The following COL22A1 variants were observed in gnomAD, a reference collection of about 807,000 sequenced individuals.
COL22A1 encodes the protein collagen type XXII alpha 1 chain.
A neutral mutation model predicts 248.9 loss-of-function variants in COL22A1; 221 were observed. That is an observed-to-expected ratio of 0.89 (90% CI 0.80 to 0.99). The LOEUF (loss-of-function observed/expected upper bound fraction) is 0.99, where lower values mean the gene tolerates loss of function less well. Ranked by LOEUF, COL22A1 falls within the 50% of genes least tolerant of loss-of-function variation. The probability of loss-of-function intolerance (pLI) is 0.00; values close to 1 mark genes in which losing one functional copy is unlikely to be tolerated. For synonymous variants in COL22A1, 891 were observed against 793.4 expected (o/e 1.12, Z -2.07); for missense variants, 2,240 against 2,179.0 (o/e 1.03, Z -0.56).
intron 39 of COL22A1, 70 bp from the exon 40 acceptor site, chr8:138,679,746 C>T (rs1397268840): frequency 5.7e-6 from 8 of 1,406,572 alleles, no homozygotes; most frequent in Middle Eastern, 1.8e-4. Flanking sequence ...AATAATTCAG[C>T]CCCTCTGTTA....
At chr8:138,620,822 A>G (rs1819722583) in intron 52 of COL22A1, among the ~76,000 whole-genome samples, 1 of 152,240 alleles carries the variant, frequency 6.6e-6, no homozygotes, top group African/African-American at 2.4e-5. Context: ...TTCATCCTAC[A>G]GTATAATTAA....
intron 21 of COL22A1, 65 bp downstream of exon 21, chr8:138,755,092 T>A: frequency 1.3e-6 from 2 of 1,510,136 alleles, no homozygotes; most frequent in Non-Finnish European, 1.8e-6. Flanking sequence ...ATGACTCTGA[T>A]CTTCCAAACC....
chr8:138,602,389 C>G (rs772141531), intron 59 of COL22A1, among the ~76,000 whole-genome samples: 1 of 152,170 alleles, frequency 6.6e-6, no homozygotes, highest in Non-Finnish European at 1.5e-5. Context: ...ATGGCACCAG[C>G]CCTGGGTTGG....
At chr8:138,883,363 C>T (rs553245276) in intron 1 of COL22A1, 119 bp from the exon 2 acceptor site, 246 of 598,618 alleles carry the variant, frequency 4.1e-4, no homozygotes, top group African/African-American at 4.0e-3. Flanking sequence ...TCTTCCCTCC[C>T]GGATTCAACT....
chr8:138,901,829 C>T (rs886540290), intron 1 of COL22A1, among the ~76,000 whole-genome samples: 15 of 151,970 alleles, frequency 9.9e-5, no homozygotes, highest in Non-Finnish European at 5.9e-5. Flanking sequence ...TCTCCGGTGT[C>T]GCCTGACTGC....
intron 3 of COL22A1, among the ~76,000 whole-genome samples, chr8:138,855,108 C>T (rs1236041457): frequency 6.6e-6 from 1 of 152,158 alleles, no homozygotes; most frequent in Non-Finnish European, 1.5e-5. Flanking sequence ...TAATGAACTA[C>T]CTCTCAGAAT....
At chr8:138,744,467 TACACACACACACACCACAC>T (rs902212508) in intron 22 of COL22A1, among the ~76,000 whole-genome samples, 1 of 148,058 alleles carries the variant, frequency 6.8e-6, no homozygotes, top group Admixed American at 6.6e-5. Flanking sequence ...TGCACATGGA[TACACACACACACACCACAC>T]ACACACACAC....
chr8:138,852,231 G>A (rs1246643377), intron 3 of COL22A1, among the ~76,000 whole-genome samples: 1 of 152,126 alleles, frequency 6.6e-6, no homozygotes, highest in African/African-American at 2.4e-5. Context: ...GGGCCCGGCT[G>A]TGACAGGGAA....
intron 47 of COL22A1, among the ~76,000 whole-genome samples, chr8:138,640,159 A>C (rs1039884655): frequency 1.3e-5 from 2 of 152,212 alleles, no homozygotes; most frequent in African/African-American, 4.8e-5. Context: ...AATGCTATTC[A>C]ATAATAAAAT....
chr8:138,867,134 A>G (rs1822957366), intron 3 of COL22A1, among the ~76,000 whole-genome samples: 1 of 152,178 alleles, frequency 6.6e-6, no homozygotes, highest in South Asian at 2.1e-4. Flanking sequence ...CTGCTATCCC[A>G]GTGTGAGAGC....
At chr8:138,859,449 T>G (rs11166849) in intron 3 of COL22A1, among the ~76,000 whole-genome samples, 4 of 152,074 alleles carry the variant, frequency 2.6e-5, no homozygotes, top group African/African-American at 9.7e-5. Context: ...CTGGTGGAGG[T>G]GGGCTCCTGG....
chr8:138,875,519 G>T (rs1002942372), intron 3 of COL22A1, among the ~76,000 whole-genome samples: 4 of 152,188 alleles, frequency 2.6e-5, no homozygotes, highest in Non-Finnish European at 5.9e-5. Flanking sequence ...CTGGATTCTG[G>T]AATGACAGGT....
chr8:138,834,261 C>T (rs1820269489), intron 4 of COL22A1, among the ~76,000 whole-genome samples: 1 of 151,742 alleles, frequency 6.6e-6, no homozygotes, highest in African/African-American at 2.4e-5. Flanking sequence ...ATATACTTCT[C>T]GGTATTCACA....
intron 56 of COL22A1, among the ~76,000 whole-genome samples, chr8:138,609,631 C>T (rs1455873911): frequency 6.6e-6 from 1 of 152,214 alleles, no homozygotes; most frequent in Non-Finnish European, 1.5e-5. Context: ...CCATCTGTGT[C>T]CCTCTAAAAA....
chr8:138,810,943 A>T (rs1214804275), intron 9 of COL22A1, among the ~76,000 whole-genome samples: 3 of 152,324 alleles, frequency 2.0e-5, no homozygotes, highest in African/African-American at 7.2e-5. Context: ...GAACAGATAG[A>T]GAGGGACAAT....
In COL22A1 at chr8:138,852,609, C is replaced by T. The variant is rs554408253; in HGVS notation, c.659-8451G>A. Among the ~76,000 whole-genome samples the T allele has an allele frequency of 1.6e-4, 24 of 152,160 alleles. No individual in the cohort carries two copies. The South Asian group carries it at 3.5e-3, about 22-fold the overall frequency. On this transcript the variant is annotated intron_variant, in intron 3 of 64. Coordinates refer to ENST00000303045, the MANE Select transcript of COL22A1 (RefSeq NM_152888.3). ...GGAGCAGGGATAGTGTTTAAAGCAT[C>T]GGGAGTGAGTGAGATCATTCAGTGA...
At chr8:138,793,256 A>C (rs77644709) in intron 12 of COL22A1, among the ~76,000 whole-genome samples, 1,667 of 152,290 alleles carry the variant, frequency 0.011, 28 homozygotes, top group African/African-American at 0.033. Context: ...GTCTCAATGC[A>C]TGAGTCACGA....
At chr8:138,638,682 C>T (rs143977164) in intron 47 of COL22A1, among the ~76,000 whole-genome samples, 4 of 152,128 alleles carry the variant, frequency 2.6e-5, no homozygotes, top group African/African-American at 7.2e-5. Context: ...CATTTTTCCA[C>T]GTAATTATTT....
At chr8:138,627,367 C>T (rs772879250) in intron 50 of COL22A1, among the ~76,000 whole-genome samples, 1 of 152,184 alleles carries the variant, frequency 6.6e-6, no homozygotes, top group Non-Finnish European at 1.5e-5. Flanking sequence ...CACTGTCACA[C>T]CCACTGGTTT....
Sources: allele counts gnomAD v4.1 joint callset (sites outside exome capture counted in the v4.1 genomes callset), GRCh38; gene constraint gnomAD v4.1.1; transcripts MANE v1.5; gene names NCBI Gene and HGNC (gene_info 2026-07-23, HGNC 2026-07-21).